The following DOCK1 variants were observed in gnomAD, a reference collection of about 807,000 sequenced individuals.
DOCK1 encodes dedicator of cytokinesis 1.
DOCK1 carries 138 observed loss-of-function variants against 262.7 expected under a neutral mutation model. The ratio of observed to expected loss-of-function variants is 0.53; its 90% CI spans 0.46 to 0.61. The LOEUF (loss-of-function observed/expected upper bound fraction) is 0.61. DOCK1 is among the 20% of genes least tolerant of loss of function. DOCK1 has a pLI of 0.00. For synonymous variants in DOCK1, 866 were observed against 867.4 expected (o/e 1.00, Z 0.03); for missense variants, 1,908 against 2,370.7 (o/e 0.80, Z 4.05).
rs548430930 is a variant in DOCK1, at chr10:127,213,066, C to T, written c.2848-34942C>T. On this transcript the variant is annotated intron_variant, in intron 27 of 51. Coordinates refer to ENST00000623213, the MANE Select transcript of DOCK1 (RefSeq NM_001290223.2). ...TCCCCTTTAGATTACTCAGTAATGT[C>T]GACAGCTTGCTGTATGTCTTTAGAC... is the stretch of plus-strand genomic sequence containing the variant. 5.3e-5 allele frequency among the ~76,000 whole-genome samples: 8 copies of T among 152,160 alleles called. No individual in the cohort carries two copies. In the South Asian group the frequency reaches 6.2e-4, roughly 12 times the overall value.
intron 27 of DOCK1, among the ~76,000 whole-genome samples, chr10:127,186,525 G>C (rs60617392): frequency 0.092 from 2,281 of 24,820 alleles, 67 homozygotes; most frequent in Non-Finnish European, 0.15. Context: ...GCCCCCCCCC[G>C]ATCCAGTTAC....
At chr10:127,143,615 A>T (rs2051489313) in intron 27 of DOCK1, among the ~76,000 whole-genome samples, 1 of 152,158 alleles carries the variant, frequency 6.6e-6, no homozygotes, top group African/African-American at 2.4e-5. Flanking sequence ...AAAGCACAAC[A>T]ATTTATGTCA....
intron 33 of DOCK1, among the ~76,000 whole-genome samples, chr10:127,372,725 T>C (rs889814562): frequency 6.6e-6 from 1 of 152,222 alleles, no homozygotes; most frequent in Non-Finnish European, 1.5e-5. Context: ...TGATTGAACA[T>C]GGCTTTAGAG....
chr10:127,030,682 T>C (rs1318944269), intron 16 of DOCK1, among the ~76,000 whole-genome samples: 1 of 152,202 alleles, frequency 6.6e-6, no homozygotes, highest in Non-Finnish European at 1.5e-5. Flanking sequence ...CTCTATTTCA[T>C]GTACTAGGAA....
rs1338683848 is a variant in DOCK1 at position 126,995,198 on chromosome 10, G to A, written c.474-1550G>A. 6.6e-6 allele frequency among the ~76,000 whole-genome samples: 1 copy of A among 151,800 alleles called. No homozygotes were observed. The highest frequency in any genetic ancestry group is 2.4e-5 in the African/African-American group (1 of 41,310). ...AGAGGCGCTCCTCACTTCCCAGACT[G>A]GGTGGCCGGGCAGACACGCTCCTCA... On this transcript the variant is annotated intron_variant, in intron 6 of 51. Coordinates refer to ENST00000623213, the MANE Select transcript of DOCK1 (RefSeq NM_001290223.2). This position sits in a 1 kb window ranked among gnomAD's most constrained non-coding sequence, Gnocchi z 5.8.
At chr10:127,360,684 C>T (rs899909528) in intron 32 of DOCK1, among the ~76,000 whole-genome samples, 10 of 152,154 alleles carry the variant, frequency 6.6e-5, no homozygotes, top group African/African-American at 2.4e-4. Flanking sequence ...AGGGAGTGGA[C>T]AGCTCAAACG....
chr10:126,987,766 G>A lies in DOCK1; in HGVS notation c.324+149G>A, dbSNP rs528421630. 1.4e-4 allele frequency: 108 copies of A among 762,098 alleles called. No homozygotes were observed. The African/African-American group carries it at 1.7e-3, about 12-fold the overall frequency. 47.2% of individuals were successfully genotyped at this position (762,098 alleles called of 1,614,324 possible). On this transcript the variant is annotated intron_variant, in intron 5 of 51. Coordinates refer to ENST00000623213, the MANE Select transcript of DOCK1 (RefSeq NM_001290223.2). ...TTTACTCGGAATTGGCAAAGGAAGC[G>A]ACATGGCTGAGAGTTTAGCCCCTGC...
chr10:127,403,418 A>G (rs2067336407), intron 39 of DOCK1, among the ~76,000 whole-genome samples: 1 of 152,244 alleles, frequency 6.6e-6, no homozygotes, highest in Non-Finnish European at 1.5e-5. Flanking sequence ...GACCTTGTGT[A>G]TAGCGGTCTT....
At chr10:127,149,829 C>T (rs549407085) in intron 27 of DOCK1, among the ~76,000 whole-genome samples, 6 of 152,252 alleles carry the variant, frequency 3.9e-5, no homozygotes, top group South Asian at 2.1e-4. Flanking sequence ...TACCCAATCC[C>T]GGGGTGTTCC....
intron 4 of DOCK1, 56 bp from the exon 5 acceptor site, chr10:126,987,465 C>G: frequency 1.4e-6 from 2 of 1,428,758 alleles, no homozygotes; most frequent in African/African-American, 2.8e-5. Context: ...CCAGGTACTA[C>G]TCATAGCAGG....
Position 127,445,376 on chromosome 10 carries a change from A to G in DOCK1, c.5413+1097A>G, listed in dbSNP as rs146945077. Among the ~76,000 whole-genome samples, 1,042 of 152,256 alleles carry G rather than the reference A, an allele frequency of 6.8e-3. 12 individuals carry two copies. The highest frequency in any genetic ancestry group is 0.024 in the African/African-American group (1,001 of 41,544). On this transcript the variant is annotated intron_variant, in intron 50 of 51. Transcript: ENST00000623213. ...TCCTCTTGCTGAAAGGGGAGCAGTC[A>G]TGATTCTGGAGACTGTCAGTGGGTG...
chr10:127,147,301 T>C (rs1404706411), intron 27 of DOCK1, among the ~76,000 whole-genome samples: 1 of 152,162 alleles, frequency 6.6e-6, no homozygotes, highest in Non-Finnish European at 1.5e-5. Flanking sequence ...CCCTGGCTGT[T>C]TGTCCTCCTA....
intron 38 of DOCK1, among the ~76,000 whole-genome samples, chr10:127,395,694 G>A (rs758577864): frequency 2.6e-5 from 4 of 152,188 alleles, no homozygotes; most frequent in African/African-American, 7.2e-5. Flanking sequence ...AGCCAGAGAC[G>A]AGACGAGGGG....
chr10:126,979,154 A>G (rs1432702095), intron 3 of DOCK1, among the ~76,000 whole-genome samples: 1 of 152,178 alleles, frequency 6.6e-6, no homozygotes, highest in Non-Finnish European at 1.5e-5. Flanking sequence ...GATCGATTTC[A>G]ATCCAGTGGA....
At chr10:127,302,157 C>G (rs532409449) in intron 29 of DOCK1, among the ~76,000 whole-genome samples, 387 of 152,010 alleles carry the variant, frequency 2.5e-3, no homozygotes, top group Middle Eastern at 0.01. Context: ...TGCTTCTGGT[C>G]TGCTCTAGAG....
At chr10:127,357,368 G>A (rs570589012) in intron 32 of DOCK1, among the ~76,000 whole-genome samples, 1 of 152,320 alleles carries the variant, frequency 6.6e-6, no homozygotes, top group East Asian at 1.9e-4. Context: ...ATGAAGGAAG[G>A]AAAGGCGGGC....
At chr10:127,080,825 A>G (rs1319755494) in intron 23 of DOCK1, among the ~76,000 whole-genome samples, 2 of 152,178 alleles carry the variant, frequency 1.3e-5, no homozygotes, top group African/African-American at 4.8e-5. Flanking sequence ...TTTATTTGTC[A>G]TAAGCGAGGG....
intron 27 of DOCK1, among the ~76,000 whole-genome samples, chr10:127,140,818 T>C (rs2051168666): frequency 6.6e-6 from 1 of 152,202 alleles, no homozygotes; most frequent in Non-Finnish European, 1.5e-5. Context: ...CTCTTCTGGT[T>C]AGAGTAGTGG....
intron 4 of DOCK1, among the ~76,000 whole-genome samples, chr10:126,984,040 A>G (rs1037391562): frequency 5.9e-5 from 9 of 152,128 alleles, no homozygotes; most frequent in Admixed American, 5.9e-4. Flanking sequence ...ATGCTGACCT[A>G]CTGCTCAGGC....
Sources: gnomAD v4.1 joint callset for allele counts (sites outside exome capture counted in the v4.1 genomes callset) on GRCh38, gnomAD v4.1.1 for gene constraint, Gnocchi (gnomAD v3.1) non-coding constraint, MANE v1.5 for transcripts, NCBI Gene and HGNC (gene_info 2026-07-23, HGNC 2026-07-21) for gene names.